Variants in ZMYM2 observed in about 807,000 individuals in gnomAD.
The protein encoded by ZMYM2 is zinc finger MYM-type containing 2.
In ZMYM2, 56 loss-of-function variants were observed where a neutral mutation model predicts 162.8. The observed-to-expected ratio is 0.34, with a 90% confidence interval of 0.28 to 0.43. The LOEUF (loss-of-function observed/expected upper bound fraction) is 0.43, where lower values mean the gene tolerates loss of function less well. ZMYM2 is among the 20% of genes least tolerant of loss of function. The probability of loss-of-function intolerance (pLI) is 1.00; values close to 1 mark genes in which losing one functional copy is unlikely to be tolerated. For synonymous variants in ZMYM2, 510 were observed against 541.6 expected (o/e 0.94, Z 0.81); for missense variants, 1,275 against 1,621.8 (o/e 0.79, Z 3.67).
chr13:19,970,859 T>C (rs929265147), intron 2 of ZMYM2, among the ~76,000 whole-genome samples: 46 of 152,230 alleles, frequency 3.0e-4, no homozygotes, highest in African/African-American at 1.1e-3. Flanking sequence ...AGGAGACACC[T>C]AGTTGAGACC....
At chr13:20,002,365 T>C (rs2139900489) in intron 3 of ZMYM2, among the ~76,000 whole-genome samples, 1 of 152,348 alleles carries the variant, frequency 6.6e-6, no homozygotes, top group Non-Finnish European at 1.5e-5. Context: ...TCTTACCTCA[T>C]TTAATGTTTA....
chr13:20,031,870 T>TG (rs1555310064), intron 10 of ZMYM2, among the ~76,000 whole-genome samples: 2 of 150,534 alleles, frequency 1.3e-5, no homozygotes, highest in African/African-American at 2.4e-5. Flanking sequence ...TAATTGTTTT[T>TG]TTTTTTTTTT....
chr13:19,913,947 G>C, the ZMYM2 span, among the ~76,000 whole-genome samples: 1 of 152,306 alleles, frequency 6.6e-6, no homozygotes, highest in South Asian at 2.1e-4. Flanking sequence ...CAGTACTGCA[G>C]CCCTTTCTAG....
intron 3 of ZMYM2, 95 bp from the exon 4 acceptor site, chr13:20,002,755 A>T: frequency 2.7e-6 from 4 of 1,456,132 alleles, no homozygotes; most frequent in Non-Finnish European, 3.7e-6. Context: ...TTAAAATTGT[A>T]CAAAATGGGA....
At chr13:19,925,802 C>A in the ZMYM2 span, among the ~76,000 whole-genome samples, 2 of 148,702 alleles carry the variant, frequency 1.3e-5, no homozygotes, top group Admixed American at 6.8e-5. Context: ...ACCCGGGAGG[C>A]AGAGGTTGCA....
the ZMYM2 span, among the ~76,000 whole-genome samples, chr13:19,903,867 T>G: frequency 6.6e-6 from 1 of 151,740 alleles, no homozygotes. Flanking sequence ...ATTAAGAAAA[T>G]TAAATAATAA....
chr13:20,087,170 GAACA>G lies in ZMYM2; in HGVS notation c.*1163_*1166del, dbSNP rs978223739. On this transcript the variant is annotated 3_prime_UTR_variant, in exon 25 of 25. Coordinates refer to ENST00000610343, the MANE Select transcript of ZMYM2 (RefSeq NM_197968.4). Reference sequence around the variant, plus strand: ...AATTCTGATATTGCAAATGATTGAGGAACAAACAAAGAAACTAATAGAGAAAGTC... The same window carrying G: ...AATTCTGATATTGCAAATGATTGAGGAACAAAGAAACTAATAGAGAAAGTC... 1.6e-5 allele frequency: 3 copies of G among 186,412 alleles called. No homozygotes were observed. The highest frequency in any genetic ancestry group is 1.2e-4 in the Admixed American group (2 of 16,072). 11.5% of individuals were successfully genotyped at this position (186,412 alleles called of 1,614,324 possible). A position where few individuals can be genotyped will look rare whatever the true frequency, so the allele number is the denominator to read the frequency against.
the ZMYM2 span, among the ~76,000 whole-genome samples, chr13:19,946,084 G>A: frequency 3.3e-5 from 5 of 151,540 alleles, no homozygotes; most frequent in Admixed American, 6.6e-5. Context: ...TCTTTTACCT[G>A]CATCGCCACC....
At chr13:19,971,262 A>ATATATATATATTT (rs1329532735) in intron 2 of ZMYM2, among the ~76,000 whole-genome samples, 1 of 78,330 alleles carries the variant, frequency 1.3e-5, no homozygotes, top group African/African-American at 4.6e-5. Context: ...ATATATATAT[A>ATATATATATATTT]TTTTTTTTTT....
chr13:19,909,838 A>G, the ZMYM2 span, among the ~76,000 whole-genome samples: 1 of 152,138 alleles, frequency 6.6e-6, no homozygotes, highest in Non-Finnish European at 1.5e-5. Context: ...TCGTGTTTCT[A>G]ATTTATACAG....
At chr13:20,055,659 A>G (rs1365316238) in intron 14 of ZMYM2, among the ~76,000 whole-genome samples, 1 of 152,182 alleles carries the variant, frequency 6.6e-6, no homozygotes, top group Non-Finnish European at 1.5e-5. Flanking sequence ...TAATGAATCA[A>G]CATTATCGTA....
the ZMYM2 span, among the ~76,000 whole-genome samples, chr13:19,888,431 C>T: frequency 6.6e-6 from 1 of 151,864 alleles, no homozygotes; most frequent in African/African-American, 2.4e-5. Flanking sequence ...TCAAATGATC[C>T]TCCTGCCTTG....
chr13:20,058,025 G>T (rs1263133483), intron 14 of ZMYM2, among the ~76,000 whole-genome samples: 2 of 152,202 alleles, frequency 1.3e-5, no homozygotes, highest in East Asian at 1.9e-4. Flanking sequence ...ATATCTGAGA[G>T]ACTGCATCTG....
At chr13:20,068,817 A>G (rs986870268) in intron 21 of ZMYM2, among the ~76,000 whole-genome samples, 1 of 152,124 alleles carries the variant, frequency 6.6e-6, no homozygotes, top group Non-Finnish European at 1.5e-5. Context: ...TGCCATATCA[A>G]CTCAGCAGGA....
chr13:19,880,898 GT>G, the ZMYM2 span, among the ~76,000 whole-genome samples: 1 of 117,350 alleles, frequency 8.5e-6, no homozygotes. Flanking sequence ...TTTGTTTTTT[GT>G]TTTTTTTTTG....
At chr13:19,924,989 A>G in the ZMYM2 span, among the ~76,000 whole-genome samples, 1 of 149,740 alleles carries the variant, frequency 6.7e-6, no homozygotes, top group African/African-American at 2.5e-5. Context: ...GGTTCAAGTG[A>G]TTCTCCTGCC....
Position 20,082,998 on chromosome 13 carries a change from C to T in ZMYM2, c.3786C>T (p.Tyr1262=), listed in dbSNP as rs368664256. The change falls in exon 23 of 25, where the codon TAC becomes TAT. Residue 1262 remains tyrosine, a synonymous_variant. Transcript: ENST00000610343. ...LTMENKACLR[Y]QVSSLCGTDN... is the part of the protein sequence containing the mutation. ...TGGAAAACAAAGCGTGTCTTCGATA[C>T]CAAGTGTCTTCCTTGTGTGGAACAG... is the stretch of plus-strand genomic sequence containing the variant. 26 of 1,613,634 alleles carry T rather than the reference C, an allele frequency of 1.6e-5. No homozygotes were observed. In the African/African-American group the frequency reaches 2.9e-4, roughly 18 times the overall value.
intron 12 of ZMYM2, among the ~76,000 whole-genome samples, chr13:20,037,403 A>G (rs1216876843): frequency 1.3e-5 from 2 of 151,698 alleles, no homozygotes; most frequent in Non-Finnish European, 2.9e-5. Context: ...TTTAGTAGAG[A>G]CAGGGTTTCA....
the ZMYM2 span, among the ~76,000 whole-genome samples, chr13:19,898,109 T>C: frequency 1.3e-5 from 2 of 152,184 alleles, no homozygotes; most frequent in Non-Finnish European, 2.9e-5. Flanking sequence ...AAAACATGTC[T>C]TGCTACATTT....
Sources: gnomAD v4.1 joint callset for allele counts (sites outside exome capture counted in the v4.1 genomes callset) on GRCh38, gnomAD v4.1.1 for gene constraint, MANE v1.5 for transcripts, NCBI Gene and HGNC (gene_info 2026-07-23, HGNC 2026-07-21) for gene names.